DTD1: variants seen among roughly 807,000 people sequenced by gnomAD.
DTD1 encodes D-tyrosyl-tRNA deacylase 1 homolog.
In DTD1, 13 loss-of-function variants were observed where a neutral mutation model predicts 25.6. The ratio of observed to expected loss-of-function variants is 0.51; its 90% CI spans 0.33 to 0.81. The LOEUF (loss-of-function observed/expected upper bound fraction) is 0.81. DTD1 is among the 30% of genes least tolerant of loss of function. The pLI is 0.02. For synonymous variants in DTD1, 110 were observed against 103.6 expected (o/e 1.06, Z -0.37); for missense variants, 193 against 266.4 (o/e 0.72, Z 1.92).
intron 4 of DTD1, among the ~76,000 whole-genome samples, chr20:18,678,579 CAT>C (rs2060984912): frequency 6.6e-6 from 1 of 152,174 alleles, no homozygotes; most frequent in Non-Finnish European, 1.5e-5. Context: ...GATCTGAAAA[CAT>C]ATCAGAAATA....
intron 4 of DTD1, among the ~76,000 whole-genome samples, chr20:18,629,948 C>T (rs1287085041): frequency 6.6e-6 from 1 of 152,032 alleles, no homozygotes; most frequent in African/African-American, 2.4e-5. Flanking sequence ...ATCCAGTCAC[C>T]TCCCACCAGG....
intron 4 of DTD1, among the ~76,000 whole-genome samples, chr20:18,739,746 T>TAA (rs11480174): frequency 2.5e-4 from 37 of 150,664 alleles, no homozygotes; most frequent in Non-Finnish European, 3.5e-4. Context: ...TTTGTTTCCT[T>TAA]AAAAAAAAAA....
chr20:18,762,046 G>C (rs1477668717), intron 5 of DTD1, among the ~76,000 whole-genome samples: 1 of 152,194 alleles, frequency 6.6e-6, no homozygotes, highest in Non-Finnish European at 1.5e-5. Flanking sequence ...GCATGGGCTA[G>C]CTGTGGTTCC....
At chr20:18,676,893 C>G (rs564317464) in intron 4 of DTD1, among the ~76,000 whole-genome samples, 25 of 152,266 alleles carry the variant, frequency 1.6e-4, no homozygotes, top group Middle Eastern at 3.4e-3. Context: ...ATCAAGCCCC[C>G]CAAAAGGGCA....
intron 4 of DTD1, among the ~76,000 whole-genome samples, chr20:18,743,012 T>C (rs556771484): frequency 5.3e-5 from 8 of 152,352 alleles, no homozygotes; most frequent in Non-Finnish European, 1.2e-4. Flanking sequence ...CTAAGAAAAT[T>C]CCGTGGTTCA....
At chr20:18,666,738 C>T (rs2069938703) in intron 4 of DTD1, among the ~76,000 whole-genome samples, 1 of 152,050 alleles carries the variant, frequency 6.6e-6, no homozygotes, top group African/African-American at 2.4e-5. Flanking sequence ...AGTGATTGTA[C>T]TTTCTCTACT....
chr20:18,632,539 C>A, intron 4 of DTD1: 1 of 985,420 alleles, frequency 1.0e-6, no homozygotes, highest in Non-Finnish European at 1.2e-6. Context: ...ATAGGAGGAG[C>A]ACAGCCAAAT....
intron 4 of DTD1, among the ~76,000 whole-genome samples, chr20:18,694,992 G>A (rs2061064962): frequency 6.6e-6 from 1 of 152,106 alleles, no homozygotes; most frequent in South Asian, 2.1e-4. Context: ...TATAGTATAT[G>A]TGCCAATAGA....
chr20:18,635,461 T>C (rs1220861597), intron 4 of DTD1, among the ~76,000 whole-genome samples: 1 of 152,246 alleles, frequency 6.6e-6, no homozygotes, highest in Non-Finnish European at 1.5e-5. Flanking sequence ...TGATCCTTTC[T>C]GTCTGAGCAC....
chr20:18,589,479 C>T (rs1329250619), intron 1 of DTD1, among the ~76,000 whole-genome samples: 1 of 152,158 alleles, frequency 6.6e-6, no homozygotes, highest in Non-Finnish European at 1.5e-5. Context: ...TTTTCAACCC[C>T]GCCTAATGAT....
chr20:18,645,091 A>G (rs991491441), intron 4 of DTD1, among the ~76,000 whole-genome samples: 2 of 152,218 alleles, frequency 1.3e-5, no homozygotes, highest in Non-Finnish European at 2.9e-5. Flanking sequence ...TTGAGGCCAC[A>G]GTGAGCCATG....
chr20:18,598,676 AT>A (rs35467175), intron 3 of DTD1, among the ~76,000 whole-genome samples: 166 of 141,308 alleles, frequency 1.2e-3, no homozygotes, highest in Admixed American at 1.5e-3. Flanking sequence ...TTTTTTTTGT[AT>A]TTTTTTTTTT....
chr20:18,729,317 G>A (rs1031878239), intron 4 of DTD1, among the ~76,000 whole-genome samples: 2 of 152,170 alleles, frequency 1.3e-5, no homozygotes, highest in East Asian at 1.9e-4. Context: ...CAGTTTTGTC[G>A]TGGTTTGCTA....
intron 4 of DTD1, among the ~76,000 whole-genome samples, chr20:18,629,458 G>C (rs960942038): frequency 4.0e-5 from 6 of 151,652 alleles, no homozygotes; most frequent in Admixed American, 3.9e-4. Context: ...ACGCTACCAT[G>C]CTGGGCTAAT....
intron 3 of DTD1, among the ~76,000 whole-genome samples, chr20:18,612,058 G>A (rs1243282992): frequency 3.3e-5 from 4 of 119,752 alleles, no homozygotes; most frequent in Non-Finnish European, 5.2e-5. Flanking sequence ...TTTTTGAAAC[G>A]GAGTCTAGCT....
chr20:18,696,417 G>T (rs937782463), intron 4 of DTD1, among the ~76,000 whole-genome samples: 12 of 152,234 alleles, frequency 7.9e-5, no homozygotes, highest in African/African-American at 2.2e-4. Context: ...TTCAGGTCAG[G>T]TGCCCTCCTA....
intron 3 of DTD1, among the ~76,000 whole-genome samples, chr20:18,618,709 A>G (rs2060719902): frequency 6.8e-6 from 1 of 147,436 alleles, no homozygotes; most frequent in South Asian, 2.2e-4. Flanking sequence ...ACACACACAC[A>G]CACATATAAT....
chr20:18,606,890 C>A (rs1280079504), intron 3 of DTD1, among the ~76,000 whole-genome samples: 1 of 150,104 alleles, frequency 6.7e-6, no homozygotes, highest in East Asian at 2.0e-4. Context: ...AACTAACCTG[C>A]ACAATGTGCA....
At chr20:18,679,320 T>G (rs1212165459) in intron 4 of DTD1, among the ~76,000 whole-genome samples, 1 of 152,206 alleles carries the variant, frequency 6.6e-6, no homozygotes, top group Non-Finnish European at 1.5e-5. Flanking sequence ...CAAGGTTCCC[T>G]CATAAAGCGC....
Sources: allele counts gnomAD v4.1 joint callset (sites outside exome capture counted in the v4.1 genomes callset), GRCh38; gene constraint gnomAD v4.1.1; transcripts MANE v1.5; gene names NCBI Gene and HGNC (gene_info 2026-07-23, HGNC 2026-07-21).